LRRTM4: variants seen among roughly 807,000 people sequenced by gnomAD.
The protein encoded by LRRTM4 is leucine-rich repeat transmembrane neuronal protein 4.
In LRRTM4, 25 loss-of-function variants were observed where a neutral mutation model predicts 47.6. That is an observed-to-expected ratio of 0.53 (90% CI 0.38 to 0.73). The LOEUF is 0.73. LRRTM4 is among the 30% of genes least tolerant of loss of function. The pLI is 0.00. For missense variants in LRRTM4, 638 were observed against 713.4 expected, an observed-to-expected ratio of 0.89 and a Z score of 1.20; for synonymous variants, 311 against 269.5, an observed-to-expected ratio of 1.15 and a Z score of -1.51.
chr2:77,054,492 A>G (rs953298392), intron 3 of LRRTM4, among the ~76,000 whole-genome samples: 1 of 152,240 alleles, frequency 6.6e-6, no homozygotes, highest in African/African-American at 2.4e-5. Flanking sequence ...GAGAGACTTT[A>G]TCAAAGCTAT....
At chr2:77,272,227 TTG>T (rs1459111540) in intron 3 of LRRTM4, among the ~76,000 whole-genome samples, 1 of 152,208 alleles carries the variant, frequency 6.6e-6, no homozygotes, top group African/African-American at 2.4e-5. Flanking sequence ...ACCTTGCCAT[TTG>T]TGACTTTTAT....
intron 3 of LRRTM4, among the ~76,000 whole-genome samples, chr2:76,997,591 A>T (rs1474150090): frequency 6.6e-6 from 1 of 152,130 alleles, no homozygotes; most frequent in African/African-American, 2.4e-5. Context: ...CTACTAATTT[A>T]TACCATCACT....
chr2:77,263,425 G>A (rs1450810017), intron 3 of LRRTM4, among the ~76,000 whole-genome samples: 1 of 152,098 alleles, frequency 6.6e-6, no homozygotes, highest in Non-Finnish European at 1.5e-5. Flanking sequence ...GATGTTGTGG[G>A]GAATCTGGAG....
At chr2:77,335,167 A>G (rs1671115791) in intron 3 of LRRTM4, among the ~76,000 whole-genome samples, 2 of 152,178 alleles carry the variant, frequency 1.3e-5, no homozygotes, top group African/African-American at 4.8e-5. Flanking sequence ...TTGATATAGC[A>G]TGGAATTTGA....
intron 3 of LRRTM4, among the ~76,000 whole-genome samples, chr2:77,394,490 A>T (rs1263978989): frequency 1.3e-5 from 2 of 151,948 alleles, no homozygotes; most frequent in African/African-American, 2.4e-5. Context: ...CTCATAAAGG[A>T]TAACAGCCTG....
chr2:77,162,557 G>A (rs964602124), intron 3 of LRRTM4, among the ~76,000 whole-genome samples: 1 of 152,158 alleles, frequency 6.6e-6, no homozygotes, highest in African/African-American at 2.4e-5. Context: ...TAGCCTAACT[G>A]GGAGGCACCT....
At chr2:77,161,129 C>T (rs538138600) in intron 3 of LRRTM4, among the ~76,000 whole-genome samples, 1 of 152,274 alleles carries the variant, frequency 6.6e-6, no homozygotes, top group Admixed American at 6.5e-5. Flanking sequence ...AAGCTATAGG[C>T]ATAGTTAAAC....
In LRRTM4 at chr2:76,873,308, T is replaced by C. The variant is rs189029320; in HGVS notation, c.1552-124392A>G. Among the ~76,000 whole-genome samples the C allele has an allele frequency of 1.1e-3, 167 of 151,942 alleles. 1 individual carries two copies. The highest frequency in any genetic ancestry group is 0.01 in the Middle Eastern group (3 of 294). On this transcript the variant is annotated intron_variant, in intron 3 of 3. Coordinates refer to ENST00000409884, the MANE Select transcript of LRRTM4 (RefSeq NM_001134745.3). ...AGAAAATTAAGTAGTGTGGCTAGCA[T>C]TGTCATGCCCAGAGCCCTCTTTGGC...
At chr2:76,791,379 G>T (rs150768816) in intron 3 of LRRTM4, among the ~76,000 whole-genome samples, 1 of 152,098 alleles carries the variant, frequency 6.6e-6, no homozygotes, top group Non-Finnish European at 1.5e-5. Flanking sequence ...TCAGTGAAAG[G>T]CATTTTGACT....
intron 3 of LRRTM4, among the ~76,000 whole-genome samples, chr2:76,900,294 T>A (rs374391753): frequency 2.0e-5 from 3 of 151,826 alleles, no homozygotes; most frequent in Non-Finnish European, 4.4e-5. Flanking sequence ...AGTAGACGTA[T>A]AGAGTGTGGG....
chr2:77,115,825 G>T (rs1671376960), intron 3 of LRRTM4, among the ~76,000 whole-genome samples: 1 of 152,084 alleles, frequency 6.6e-6, no homozygotes, highest in Non-Finnish European at 1.5e-5. Flanking sequence ...GATGGATTTT[G>T]CTTTCCACCT....
At chr2:77,378,274 C>A (rs547930916) in intron 3 of LRRTM4, among the ~76,000 whole-genome samples, 4 of 152,076 alleles carry the variant, frequency 2.6e-5, no homozygotes, top group East Asian at 3.9e-4. Context: ...ACTTTATTAA[C>A]CTGCTTTTAT....
intron 3 of LRRTM4, among the ~76,000 whole-genome samples, chr2:77,351,201 T>C (rs1013631743): frequency 6.6e-6 from 1 of 151,798 alleles, no homozygotes; most frequent in African/African-American, 2.4e-5. Context: ...ATTTGTTTGC[T>C]AAGAATAATA....
At chr2:77,141,726 T>G (rs1173160571) in intron 3 of LRRTM4, among the ~76,000 whole-genome samples, 3 of 152,200 alleles carry the variant, frequency 2.0e-5, no homozygotes, top group African/African-American at 7.2e-5. Context: ...AACCATGACA[T>G]TTGTTACTGG....
chr2:77,072,883 C>T (rs936319731), intron 3 of LRRTM4, among the ~76,000 whole-genome samples: 1 of 150,476 alleles, frequency 6.6e-6, no homozygotes, highest in African/African-American at 2.4e-5. Flanking sequence ...CGGCTACTTG[C>T]GTCTGTCAGA....
chr2:77,021,335 G>C (rs773929617), intron 3 of LRRTM4, among the ~76,000 whole-genome samples: 2 of 152,072 alleles, frequency 1.3e-5, no homozygotes, highest in Non-Finnish European at 2.9e-5. Context: ...GGAGGGACAT[G>C]CATCAGTGGA....
chr2:77,258,184 T>C (rs1045311851), intron 3 of LRRTM4, among the ~76,000 whole-genome samples: 6 of 150,524 alleles, frequency 4.0e-5, no homozygotes, highest in Non-Finnish European at 7.4e-5. Flanking sequence ...AAGGTAAAAA[T>C]AGCGACACCA....
intron 3 of LRRTM4, among the ~76,000 whole-genome samples, chr2:76,753,208 A>C (rs1437908527): frequency 6.6e-6 from 1 of 152,222 alleles, no homozygotes; most frequent in Non-Finnish European, 1.5e-5. Context: ...AGTTTCAAGT[A>C]ACTCCTCTGA....
At position 76,796,155 on chromosome 2, in the gene LRRTM4, C is replaced by G. The variant is rs148169626; in HGVS notation, c.1552-47239G>C. Among the ~76,000 whole-genome samples the G allele has an allele frequency of 1.1e-3, 156 of 144,448 alleles. 18 individuals carry two copies. The highest frequency in any genetic ancestry group is 2.0e-3 in the Non-Finnish European group (130 of 64,748). 94.8% of individuals were successfully genotyped at this position (144,448 alleles called of 152,430 possible). A position where few individuals can be genotyped will look rare whatever the true frequency, so the allele number is the denominator to read the frequency against. ...ACAAGATTATATCCCGCACATGGCT[C>G]GCAGGGTCCTACGCCCACAGAGCCT... On this transcript the variant is annotated intron_variant, in intron 3 of 3. Coordinates refer to ENST00000409884, the MANE Select transcript of LRRTM4 (RefSeq NM_001134745.3).
Sources: gnomAD v4.1 joint callset for allele counts (sites outside exome capture counted in the v4.1 genomes callset) on GRCh38, gnomAD v4.1.1 for gene constraint, MANE v1.5 for transcripts, NCBI Gene and HGNC (gene_info 2026-07-23, HGNC 2026-07-21) for gene names.